Variants in SCUBE2 observed in about 807,000 individuals in gnomAD.
SCUBE2 encodes signal peptide, CUB domain and EGF like domain containing 2.
SCUBE2 carries 114 observed loss-of-function variants against 125.9 expected under a neutral mutation model. That is an observed-to-expected ratio of 0.91 (90% CI 0.78 to 1.06). SCUBE2 has a LOEUF of 1.06. SCUBE2 is among the 50% of genes least tolerant of loss of function. The pLI, the probability that SCUBE2 is intolerant of heterozygous loss-of-function variation, is 0.00. For missense variants in SCUBE2, 1,255 were observed against 1,301.8 expected, an observed-to-expected ratio of 0.96 and a Z score of 0.55; for synonymous variants, 459 against 492.9, an observed-to-expected ratio of 0.93 and a Z score of 0.91.
At chr11:9,083,529 G>A (rs1257458564) in intron 2 of SCUBE2, among the ~76,000 whole-genome samples, 3 of 151,556 alleles carry the variant, frequency 2.0e-5, no homozygotes, top group East Asian at 1.9e-4. Context: ...AGAAAGTTAC[G>A]AATAAGCAAA....
In SCUBE2 at chr11:9,047,489, C is replaced by G. The variant is rs1279212922; in HGVS notation, c.1869G>C (p.Lys623Asn). The G allele has an allele frequency of 6.2e-7, 1 of 1,613,534 alleles. No individual in the cohort carries two copies. The highest frequency in any genetic ancestry group is 8.5e-7 in the Non-Finnish European group (1 of 1,179,948). ...RLRKAIRTLRKAVHREQFHLQ... is the reference protein window; with the variant it reads ...RLRKAIRTLRNAVHREQFHLQ... ...GGTGAAACTGCTCCCTGTGGACGGCCTTTCTGAGCGTGCGGATGGCTTTAC... is the reference window on the plus strand; with the variant it reads ...GGTGAAACTGCTCCCTGTGGACGGCGTTTCTGAGCGTGCGGATGGCTTTAC... Residue 623 changes from lysine to asparagine, a missense_variant, in exon 16 of 23, where the codon AAG (lysine) becomes AAC (asparagine). By Grantham distance (94) the Lys-to-Asn change is moderately conservative (BLOSUM62 0). Transcript: ENST00000649792.
At chr11:9,036,485 C>T (rs1856763154) in intron 16 of SCUBE2, among the ~76,000 whole-genome samples, 1 of 152,220 alleles carries the variant, frequency 6.6e-6, no homozygotes. Flanking sequence ...AGGAGCTCAC[C>T]TGTCATGAAG....
chr11:9,026,140 C>T (rs1855738107), intron 20 of SCUBE2: 1 of 268,850 alleles, frequency 3.7e-6, no homozygotes, highest in African/African-American at 2.2e-5. Flanking sequence ...CCTCCCATTC[C>T]AGAACTGACC....
At chr11:9,059,618 C>T in intron 8 of SCUBE2, 193 bp from the exon 9 acceptor site, 1 of 698,620 alleles carries the variant, frequency 1.4e-6, no homozygotes, top group Non-Finnish European at 2.2e-6. Flanking sequence ...TTTTGAAAGA[C>T]AAGTGTTTCA....
chr11:9,033,948 TCTCTGCACAC>T (rs536628247), intron 16 of SCUBE2, 152 bp from the exon 17 acceptor site: 4 of 705,602 alleles, frequency 5.7e-6, no homozygotes, highest in Admixed American at 2.5e-5. Context: ...GCCTTGGTTC[TCTCTGCACAC>T]CTCTGCACAG....
rs116221893 is a variant in SCUBE2 at position 9,022,127 on chromosome 11, C to G, written c.2855-172G>C. The G allele has an allele frequency of 1.2e-3, 715 of 576,384 alleles. 4 individuals carry two copies. The highest frequency in any genetic ancestry group is 0.012 in the African/African-American group (666 of 53,762). 35.7% of individuals were successfully genotyped at this position (576,384 alleles called of 1,614,324 possible). A position where few individuals can be genotyped will look rare whatever the true frequency, so the allele number is the denominator to read the frequency against. ...AAACTTCCACAGACTCCCACCACCA[C>G]CTCTCTTCACCTACCAGCATCTGCA... On this transcript the variant is annotated intron_variant, in intron 21 of 22. Transcript: ENST00000649792.
intron 10 of SCUBE2, among the ~76,000 whole-genome samples, chr11:9,054,703 ATAT>A (rs1858836307): frequency 4.9e-5 from 2 of 40,984 alleles, no homozygotes; most frequent in Non-Finnish European, 8.3e-5. Context: ...GCACTAGTGT[ATAT>A]ATATATATAT....
intron 16 of SCUBE2, among the ~76,000 whole-genome samples, chr11:9,039,573 C>T (rs1001144753): frequency 2.6e-5 from 4 of 152,120 alleles, no homozygotes. Context: ...GTCTCTGAGG[C>T]GGAATACTAC....
chr11:9,025,311 G>A (rs1855630214), intron 21 of SCUBE2, among the ~76,000 whole-genome samples: 1 of 152,202 alleles, frequency 6.6e-6, no homozygotes, highest in Non-Finnish European at 1.5e-5. Flanking sequence ...GCCAGGCACT[G>A]CCTCACGTCC....
chr11:9,042,447 T>C (rs756322031), intron 16 of SCUBE2, among the ~76,000 whole-genome samples: 2 of 152,140 alleles, frequency 1.3e-5, no homozygotes, highest in Non-Finnish European at 2.9e-5. Context: ...TTCTAAACTC[T>C]TTTTCTGATT....
At chr11:9,090,700 C>T (rs1455320401) in intron 1 of SCUBE2, among the ~76,000 whole-genome samples, 2 of 152,080 alleles carry the variant, frequency 1.3e-5, no homozygotes, top group African/African-American at 4.8e-5. Flanking sequence ...GGCCGGCCCC[C>T]TGCACTCCCA....
chr11:9,021,985 C>G, intron 21 of SCUBE2, 30 bp from the exon 22 acceptor site: 1 of 1,547,268 alleles, frequency 6.5e-7, no homozygotes, highest in Admixed American at 1.7e-5. Flanking sequence ...GTTTTGCATT[C>G]TTATGATTTA....
chr11:9,091,273 C>T lies in SCUBE2; in HGVS notation c.133+123G>A. On this transcript the variant is annotated intron_variant, in intron 1 of 22. Coordinates refer to ENST00000649792, the MANE Select transcript of SCUBE2 (RefSeq NM_001367977.2). The surrounding 1 kb of genome is among the most constrained non-coding windows in gnomAD (Gnocchi z 8.5). ...GAGGTCCCGGGGGGAGCAGAGGCCC[C>T]CGCGGAGCTGCAGCCGCCAGCCCCG... The T allele has an allele frequency of 3.0e-6, 2 of 658,788 alleles. No homozygotes were observed. Among genetic ancestry groups the T allele is most frequent in the Non-Finnish European group, 4.2e-6 (2 of 479,058 alleles). The allele number at this position is 658,788 out of a possible 1,614,324, so 40.8% of individuals were successfully genotyped here.
At chr11:9,059,894 G>A (rs1054365924) in intron 8 of SCUBE2, among the ~76,000 whole-genome samples, 4 of 152,038 alleles carry the variant, frequency 2.6e-5, no homozygotes, top group South Asian at 2.1e-4. Flanking sequence ...TCCCAGTTTC[G>A]TCTGGCAATT....
intron 20 of SCUBE2, 166 bp downstream of exon 20, chr11:9,027,198 G>A: frequency 1.5e-6 from 1 of 657,664 alleles, no homozygotes; most frequent in Admixed American, 2.7e-5. Flanking sequence ...TCAGTGTGTG[G>A]CTTTCATTTA....
Position 9,048,045 on chromosome 11 carries a change from A to T in SCUBE2, c.1693T>A (p.Ser565Thr). ...SFRYVNLTCS[S>T]GKQVPGAPGR... ...GGGGCTCCTGGGACTTGCTTGCCAG[A>T]GCTGCATGTAAGGTTTACGTAGCGG... Residue 565 changes from serine to threonine, a missense_variant, in exon 15 of 23, where the codon TCT becomes ACT. Transcript: ENST00000649792. 4.3e-6 allele frequency: 7 copies of T among 1,614,190 alleles called. No individual in the cohort carries two copies. The highest frequency in any genetic ancestry group is 5.9e-6 in the Non-Finnish European group (7 of 1,180,022).
intron 19 of SCUBE2, among the ~76,000 whole-genome samples, chr11:9,029,043 C>T (rs944240423): frequency 6.7e-6 from 1 of 150,130 alleles, no homozygotes; most frequent in Non-Finnish European, 1.5e-5. Flanking sequence ...CCCTCAGTCC[C>T]AAGCTCCTCC....
intron 2 of SCUBE2, among the ~76,000 whole-genome samples, chr11:9,083,555 A>ATTT (rs530803242): frequency 7.1e-6 from 1 of 139,960 alleles, no homozygotes; most frequent in Non-Finnish European, 1.5e-5. Context: ...AATAGAATGA[A>ATTT]TTTTTTTTTT....
intron 8 of SCUBE2, 44 bp from the exon 9 acceptor site, chr11:9,059,469 C>T (rs1859449143): frequency 6.3e-7 from 1 of 1,585,402 alleles, no homozygotes; most frequent in Non-Finnish European, 8.6e-7. Flanking sequence ...CAATACTTGC[C>T]TCATTTCCCA....
Sources: gnomAD v4.1 joint callset for allele counts (sites outside exome capture counted in the v4.1 genomes callset) on GRCh38, gnomAD v4.1.1 for gene constraint, Gnocchi (gnomAD v3.1) non-coding constraint, MANE v1.5 for transcripts, NCBI Gene and HGNC (gene_info 2026-07-23, HGNC 2026-07-21) for gene names.